Variants in ITCH observed in about 807,000 individuals in gnomAD.
The protein encoded by ITCH is E3 ubiquitin-protein ligase Itchy homolog.
A neutral mutation model predicts 126.8 loss-of-function variants in ITCH; 28 were observed. The observed-to-expected ratio is 0.22, with a 90% CI of 0.16 to 0.30. The LOEUF (loss-of-function observed/expected upper bound fraction) is 0.30, where lower values mean the gene tolerates loss of function less well. Ranked by LOEUF, ITCH falls within the 10% of genes least tolerant of loss-of-function variation. ITCH has a pLI of 1.00. For missense variants in ITCH, 631 were observed against 1,032.4 expected, an observed-to-expected ratio of 0.61 and a Z score of 5.33; for synonymous variants, 342 against 340.0, an observed-to-expected ratio of 1.01 and a Z score of -0.06.
chr20:34,414,242 G>A (rs1979485473), intron 6 of ITCH, among the ~76,000 whole-genome samples: 1 of 151,672 alleles, frequency 6.6e-6, no homozygotes, highest in African/African-American at 2.4e-5. Flanking sequence ...GTGAATAAAA[G>A]CATGTATATT....
At chr20:34,400,653 T>TTC (rs2038847734) in intron 3 of ITCH, among the ~76,000 whole-genome samples, 1 of 149,462 alleles carries the variant, frequency 6.7e-6, no homozygotes, top group African/African-American at 2.5e-5. Context: ...TTTCTTTTTT[T>TTC]TTTTTTTTTT....
chr20:34,470,297 T>A (rs1209244475), intron 15 of ITCH, among the ~76,000 whole-genome samples, 177 bp downstream of exon 15: 1 of 152,142 alleles, frequency 6.6e-6, no homozygotes, highest in East Asian at 1.9e-4. Flanking sequence ...CATTTGTGAC[T>A]TTGGTTATTC....
At chr20:34,405,141 CAAAAAA>C (rs1170286039) in intron 3 of ITCH, among the ~76,000 whole-genome samples, 3 of 58,236 alleles carry the variant, frequency 5.2e-5, no homozygotes, top group Admixed American at 5.0e-4. Flanking sequence ...GACCCTGTCT[CAAAAAA>C]AAAAAAAAAA....
At chr20:34,409,681 C>T (rs1483641006) in intron 4 of ITCH, among the ~76,000 whole-genome samples, 7 of 151,886 alleles carry the variant, frequency 4.6e-5, no homozygotes, top group Non-Finnish European at 1.0e-4. Flanking sequence ...TCTAATGTTG[C>T]GCTATTAGGC....
chr20:34,377,729 G>T (rs1346684262), intron 2 of ITCH, among the ~76,000 whole-genome samples: 1 of 151,970 alleles, frequency 6.6e-6, no homozygotes, highest in Non-Finnish European at 1.5e-5. Flanking sequence ...GTTGGGCATG[G>T]TGGCGTGTGC....
chr20:34,446,162 G>A (rs1984430996), intron 11 of ITCH, among the ~76,000 whole-genome samples: 1 of 152,058 alleles, frequency 6.6e-6, no homozygotes, highest in South Asian at 2.1e-4. Context: ...TTTGTCTGGA[G>A]GAAAAGGAAA....
chr20:34,467,999 G>A (rs1409519286), intron 14 of ITCH, among the ~76,000 whole-genome samples: 1 of 148,820 alleles, frequency 6.7e-6, no homozygotes, highest in Non-Finnish European at 1.5e-5. Flanking sequence ...ATAATACAAT[G>A]CAAATTTATG....
chr20:34,364,354 T>C (rs2037325963), intron 1 of ITCH, among the ~76,000 whole-genome samples: 1 of 152,144 alleles, frequency 6.6e-6, no homozygotes, highest in Non-Finnish European at 1.5e-5. Flanking sequence ...GTGGGATTTT[T>C]GCCTTGAAAA....
rs1989784377 is a variant in ITCH at position 34,495,258 on chromosome 20, T to G, written c.2416+2661T>G. 2.3e-4 allele frequency among the ~76,000 whole-genome samples: 33 copies of G among 141,800 alleles called. No individual in the cohort carries two copies. The Admixed American group carries it at 2.4e-3, about 10-fold the overall frequency. The allele number at this position is 141,800 out of a possible 152,430, so 93.0% of individuals were successfully genotyped here. A position where few individuals can be genotyped will look rare whatever the true frequency, so the allele number is the denominator to read the frequency against. The stretch of plus-strand genomic sequence containing the variant: ...CCAGCCTGGGCGACAAGAACAAAAC[T>G]CCAACTCAAAAATAAATAAATAAAT... On this transcript the variant is annotated intron_variant, in intron 23 of 24. Coordinates refer to ENST00000374864, the MANE Select transcript of ITCH (RefSeq NM_031483.7).
intron 11 of ITCH, among the ~76,000 whole-genome samples, chr20:34,447,578 G>T (rs17091797): frequency 0.019 from 2,961 of 152,212 alleles, 91 homozygotes; most frequent in African/African-American, 0.059. Flanking sequence ...TGGCTTAATT[G>T]TGCATGTCCC....
intron 7 of ITCH, among the ~76,000 whole-genome samples, chr20:34,431,540 C>T (rs915781773): frequency 4.6e-5 from 7 of 152,052 alleles, no homozygotes; most frequent in Non-Finnish European, 2.9e-5. Flanking sequence ...GGGAATCATT[C>T]TCTGAGATAA....
At chr20:34,471,313 A>G in intron 15 of ITCH, 131 bp from the exon 16 acceptor site, 2 of 679,866 alleles carry the variant, frequency 2.9e-6, no homozygotes, top group Non-Finnish European at 5.3e-6. Context: ...ACATTATTGA[A>G]TATAAATTTA....
intron 2 of ITCH, among the ~76,000 whole-genome samples, chr20:34,374,955 G>A (rs968591542): frequency 4.0e-5 from 6 of 150,802 alleles, no homozygotes; most frequent in Non-Finnish European, 7.4e-5. Context: ...TGGCCAGGCT[G>A]GTGTTGAACT....
chr20:34,427,629 G>A (rs905071689), intron 7 of ITCH, among the ~76,000 whole-genome samples: 3 of 151,804 alleles, frequency 2.0e-5, no homozygotes, highest in Admixed American at 2.0e-4. Context: ...AAAAGCAATA[G>A]GACAGGTTTA....
At chr20:34,373,653 C>T (rs971082731) in intron 2 of ITCH, among the ~76,000 whole-genome samples, 14 of 152,010 alleles carry the variant, frequency 9.2e-5, no homozygotes, top group Non-Finnish European at 1.9e-4. Context: ...TCCAGCAACT[C>T]GCATTTTTTT....
At chr20:34,423,453 C>A (rs982765514) in intron 6 of ITCH, among the ~76,000 whole-genome samples, 1 of 152,138 alleles carries the variant, frequency 6.6e-6, no homozygotes, top group Non-Finnish European at 1.5e-5. Flanking sequence ...AACTATGATT[C>A]TATCCAGGGC....
At chr20:34,400,625 TAGAAAG>T (rs1243859636) in intron 3 of ITCH, among the ~76,000 whole-genome samples, 1 of 148,466 alleles carries the variant, frequency 6.7e-6, no homozygotes, top group Non-Finnish European at 1.5e-5. Flanking sequence ...TTTAGAAAGT[TAGAAAG>T]AGAAAAAAAT....
At chr20:34,466,358 A>C (rs186999403) in intron 14 of ITCH, 1 of 532,206 alleles carries the variant, frequency 1.9e-6, no homozygotes, top group African/African-American at 1.9e-5. Context: ...AGTGTTCATA[A>C]GGAATGTTGC....
At chr20:34,481,285 G>A (rs1600460632) in intron 20 of ITCH, 79 bp downstream of exon 20, 3 of 1,371,858 alleles carry the variant, frequency 2.2e-6, no homozygotes, top group Admixed American at 1.7e-5. Context: ...CTAATGGAGA[G>A]TATCTCCAAA....
Sources: gnomAD v4.1 joint callset for allele counts (sites outside exome capture counted in the v4.1 genomes callset) on GRCh38, gnomAD v4.1.1 for gene constraint, MANE v1.5 for transcripts, NCBI Gene and HGNC (gene_info 2026-07-23, HGNC 2026-07-21) for gene names.